The following CA8 variants were observed in gnomAD, a reference collection of about 807,000 sequenced individuals.
CA8 encodes carbonic anhydrase-related protein.
CA8 carries 22 observed loss-of-function variants against 41.4 expected under a neutral mutation model. The observed-to-expected ratio is 0.53, with a 90% confidence interval of 0.38 to 0.76. CA8 has a LOEUF of 0.76. CA8 is among the 30% of genes least tolerant of loss of function. CA8 has a pLI of 0.00. For synonymous variants in CA8, 121 were observed against 130.6 expected, an observed-to-expected ratio of 0.93 and a Z score of 0.50; for missense variants, 270 against 352.8, an observed-to-expected ratio of 0.77 and a Z score of 1.88.
intron 3 of CA8, among the ~76,000 whole-genome samples, chr8:60,240,150 A>G (rs1807971632): frequency 6.6e-6 from 1 of 152,240 alleles, no homozygotes; most frequent in Non-Finnish European, 1.5e-5. Context: ...TTAAAAGAGA[A>G]CAGACTTTCT....
intron 2 of CA8, among the ~76,000 whole-genome samples, chr8:60,276,359 G>A (rs557749670): frequency 8.1e-4 from 124 of 152,278 alleles, no homozygotes; most frequent in Middle Eastern, 3.4e-3. Context: ...AAAAAGAAAG[G>A]ACAAGGAGGA....
At position 60,231,400 on chromosome 8, in the gene CA8, T is replaced by C. The variant is rs1359953457; in HGVS notation, c.513+884A>G. ...TCAATAAAGACATATCTAGGAGATA[T>C]GTATTAAAAATTGTTGCAATTAATT... On this transcript the variant is annotated intron_variant, in intron 4 of 8. Coordinates refer to ENST00000317995, the MANE Select transcript of CA8 (RefSeq NM_004056.6). Among the ~76,000 whole-genome samples the C allele has an allele frequency of 2.6e-5, 4 of 152,206 alleles. No homozygotes were observed. The East Asian group carries it at 7.7e-4, about 29-fold the overall frequency.
chr8:60,238,348 A>G (rs577438929), intron 3 of CA8, among the ~76,000 whole-genome samples: 2 of 152,356 alleles, frequency 1.3e-5, no homozygotes, highest in African/African-American at 4.8e-5. Context: ...AACACTGAAA[A>G]GGCAATTATG....
chr8:60,242,595 C>T (rs1212156765), intron 3 of CA8, among the ~76,000 whole-genome samples: 1 of 152,146 alleles, frequency 6.6e-6, no homozygotes, highest in Non-Finnish European at 1.5e-5. Context: ...ATGTGTGACC[C>T]AAGACACTGC....
chr8:60,265,003 A>AT (rs1340900819), intron 3 of CA8: 5 of 152,272 alleles, frequency 3.3e-5, no homozygotes, highest in Admixed American at 2.0e-4. Context: ...TCAAAAAAAA[A>AT]GACTGGAAGA....
chr8:60,222,540 G>C, intron 7 of CA8, 109 bp downstream of exon 7: 1 of 736,098 alleles, frequency 1.4e-6, no homozygotes, highest in South Asian at 1.5e-5. Context: ...CATCTGGAAA[G>C]GTATGACTGA....
At chr8:60,232,097 T>C (rs1488467799) in intron 4 of CA8, among the ~76,000 whole-genome samples, 187 bp downstream of exon 4, 1 of 152,222 alleles carries the variant, frequency 6.6e-6, no homozygotes, top group Non-Finnish European at 1.5e-5. Context: ...AAAGGAACTA[T>C]TTTCTACCAA....
chr8:60,186,347 T>C lies in CA8; in HGVS notation c.*3674A>G, dbSNP rs1007891879. On this transcript the variant is annotated 3_prime_UTR_variant, in exon 9 of 9. Transcript: ENST00000317995. Reference sequence around the variant, plus strand: ...ATTATAAATCTGAAATAGATTCTGATAAATTAACAAGTATATGATATGCCC... The same window carrying C: ...ATTATAAATCTGAAATAGATTCTGACAAATTAACAAGTATATGATATGCCC... Among the ~76,000 whole-genome samples, 4 of 151,718 alleles carry C rather than the reference T, an allele frequency of 2.6e-5. No homozygotes were observed. The highest frequency in any genetic ancestry group is 5.9e-5 in the Non-Finnish European group (4 of 67,882).
chr8:60,264,552 C>A (rs1351233169), intron 3 of CA8, among the ~76,000 whole-genome samples: 1 of 152,200 alleles, frequency 6.6e-6, no homozygotes, highest in African/African-American at 2.4e-5. Flanking sequence ...AGAGGTGACA[C>A]AGAAGTGTCA....
At chr8:60,251,171 C>T (rs1454637994) in intron 3 of CA8, among the ~76,000 whole-genome samples, 3 of 152,166 alleles carry the variant, frequency 2.0e-5, no homozygotes, top group African/African-American at 7.2e-5. Context: ...AAGAAGTAAG[C>T]CATGTGGCTA....
chr8:60,281,314 A>G lies in CA8; in HGVS notation c.-167T>C, dbSNP rs111799938. On this transcript the variant is annotated 5_prime_UTR_variant, in exon 1 of 9. Coordinates refer to ENST00000317995, the MANE Select transcript of CA8 (RefSeq NM_004056.6). ...TGTGAACCGCAGTGTGAGTGCAAGC[A>G]GGCGTGCGTTCGGACCGAGTGTTCC... is the stretch of plus-strand genomic sequence containing the variant. 6.8e-3 allele frequency: 4,219 copies of G among 619,292 alleles called. 102 individuals are homozygous for G. Among genetic ancestry groups the G allele is most frequent in the African/African-American group, 0.063 (3,368 of 53,040 alleles). The allele number at this position is 619,292 out of a possible 1,614,324, so 38.4% of individuals were successfully genotyped here. A position where few individuals can be genotyped will look rare whatever the true frequency, so the allele number is the denominator to read the frequency against.
chr8:60,267,971 T>C (rs2130603455), intron 2 of CA8, among the ~76,000 whole-genome samples: 1 of 152,270 alleles, frequency 6.6e-6, no homozygotes, highest in Non-Finnish European at 1.5e-5. Context: ...CTCATTCCTT[T>C]CTCTTGGCTG....
Position 60,247,328 on chromosome 8 carries a change from T to C in CA8, c.418-14949A>G, listed in dbSNP as rs535023848. 9.2e-5 allele frequency among the ~76,000 whole-genome samples: 14 copies of C among 152,314 alleles called. No individual in the cohort carries two copies. The South Asian group carries it at 2.9e-3, about 32-fold the overall frequency. On this transcript the variant is annotated intron_variant, in intron 3 of 8. Coordinates refer to ENST00000317995, the MANE Select transcript of CA8 (RefSeq NM_004056.6). ...TAGGTATACATATGCCATGGTGGTT[T>C]GCTGCACCTATCAACCCATAATCTA...
chr8:60,243,776 T>C (rs915350985), intron 3 of CA8, among the ~76,000 whole-genome samples: 18 of 152,200 alleles, frequency 1.2e-4, no homozygotes, highest in African/African-American at 4.1e-4. Context: ...TGCCACACTC[T>C]CCTGGTCTCC....
At position 60,186,301 on chromosome 8, in the gene CA8, A is replaced by G. The variant is rs532126636; in HGVS notation, c.*3720T>C. Among the ~76,000 whole-genome samples, 1 of 152,194 alleles carries G rather than the reference A, an allele frequency of 6.6e-6. No homozygotes were observed. The highest frequency in any genetic ancestry group is 2.1e-4 in the South Asian group (1 of 4,826). On this transcript the variant is annotated 3_prime_UTR_variant, in exon 9 of 9. Coordinates refer to ENST00000317995, the MANE Select transcript of CA8 (RefSeq NM_004056.6). ...TTCAGAGCTATTTAGTAGTAACTAA[A>G]TAACTCACTGTAATAAAGTTATTAT...
At chr8:60,276,430 T>C (rs933216831) in intron 2 of CA8, among the ~76,000 whole-genome samples, 4 of 152,178 alleles carry the variant, frequency 2.6e-5, no homozygotes, top group Non-Finnish European at 4.4e-5. Flanking sequence ...CGTCATATGT[T>C]AGAGAGTTTG....
intron 8 of CA8, among the ~76,000 whole-genome samples, chr8:60,191,835 GTC>G (rs1437284507): frequency 6.6e-6 from 1 of 152,028 alleles, no homozygotes; most frequent in Non-Finnish European, 1.5e-5. Flanking sequence ...ACGAGGTCAG[GTC>G]TCAAGCCAAA....
chr8:60,186,697 A>C lies in CA8; in HGVS notation c.*3324T>G, dbSNP rs1805975190. Among the ~76,000 whole-genome samples, 1 of 152,038 alleles carries C rather than the reference A, an allele frequency of 6.6e-6. No individual in the cohort carries two copies. Among genetic ancestry groups the C allele is most frequent in the South Asian group, 2.1e-4 (1 of 4,828 alleles). ...AGATTCAAAAATATAAATAAGTTGAAAGTGAAAAGATGAAAAAAGATACAT... is the reference window on the plus strand; with the variant it reads ...AGATTCAAAAATATAAATAAGTTGACAGTGAAAAGATGAAAAAAGATACAT... On this transcript the variant is annotated 3_prime_UTR_variant, in exon 9 of 9. Transcript: ENST00000317995.
rs533990756 is a variant in CA8, at chr8:60,204,009, C to T, written c.*35+4741G>A. On this transcript the variant is annotated intron_variant, in intron 8 of 8. Coordinates refer to ENST00000317995, the MANE Select transcript of CA8 (RefSeq NM_004056.6). ...AACATTTCCCCAATCCCTGTCCAGG[C>T]AGGTTCCCACCTAAACCACCTAGGA... Among the ~76,000 whole-genome samples the T allele has an allele frequency of 3.3e-5, 5 of 152,300 alleles. No homozygotes were observed. In the South Asian group the frequency reaches 1.0e-3, roughly 32 times the overall value.
Sources: gnomAD v4.1 joint callset for allele counts (sites outside exome capture counted in the v4.1 genomes callset) on GRCh38, gnomAD v4.1.1 for gene constraint, MANE v1.5 for transcripts, NCBI Gene and HGNC (gene_info 2026-07-23, HGNC 2026-07-21) for gene names.